The following TMEM170B variants were observed in gnomAD, a reference collection of about 807,000 sequenced individuals.
TMEM170B encodes transmembrane protein 170B.
Under a neutral mutation model 13.0 loss-of-function variants are expected in TMEM170B, and 6 were observed. The observed-to-expected ratio is 0.46, with a 90% CI of 0.25 to 0.91. TMEM170B has a LOEUF of 0.91. TMEM170B is among the 40% of genes least tolerant of loss of function. The pLI is 0.17. For missense variants in TMEM170B, 138 were observed against 165.2 expected (o/e 0.84, Z 0.90); for synonymous variants, 61 against 64.9 (o/e 0.94, Z 0.29).
chr6:11,572,413 AT>A (rs1759817001), intron 2 of TMEM170B, among the ~76,000 whole-genome samples: 1 of 152,186 alleles, frequency 6.6e-6, no homozygotes, highest in Non-Finnish European at 1.5e-5. Context: ...ATGCCCTGCT[AT>A]TTTAAATCAA....
chr6:11,558,463 C>T (rs545134371), intron 1 of TMEM170B, among the ~76,000 whole-genome samples: 4 of 152,192 alleles, frequency 2.6e-5, no homozygotes, highest in African/African-American at 7.2e-5. Flanking sequence ...ACATAAGAAA[C>T]GTTTAAATTT....
At chr6:11,553,355 A>G (rs555063407) in intron 1 of TMEM170B, among the ~76,000 whole-genome samples, 3 of 152,360 alleles carry the variant, frequency 2.0e-5, no homozygotes, top group South Asian at 2.1e-4. Flanking sequence ...TCTGAAGTAT[A>G]TAGGAGAATC....
intron 2 of TMEM170B, among the ~76,000 whole-genome samples, chr6:11,572,013 A>T (rs1457188884): frequency 6.6e-6 from 1 of 152,212 alleles, no homozygotes; most frequent in Non-Finnish European, 1.5e-5. Context: ...GGCAAAAAAA[A>T]TTAAAAAACA....
chr6:11,543,144 TG>T (rs1267409248), intron 1 of TMEM170B, among the ~76,000 whole-genome samples: 2 of 152,354 alleles, frequency 1.3e-5, no homozygotes, highest in Admixed American at 1.3e-4. Context: ...CGTTATAATT[TG>T]TATTTATCTC....
intron 2 of TMEM170B, among the ~76,000 whole-genome samples, chr6:11,570,558 T>TAG (rs1759786382): frequency 6.6e-6 from 1 of 152,060 alleles, no homozygotes; most frequent in Admixed American, 6.6e-5. Context: ...TAAGGGGAAA[T>TAG]AGAACATATG....
At chr6:11,571,637 A>G (rs1362419364) in intron 2 of TMEM170B, among the ~76,000 whole-genome samples, 1 of 152,198 alleles carries the variant, frequency 6.6e-6, no homozygotes, top group East Asian at 1.9e-4. Flanking sequence ...GCATGCCTGC[A>G]TATATTAGCC....
At chr6:11,540,495 T>C (rs2113759368) in intron 1 of TMEM170B, among the ~76,000 whole-genome samples, 1 of 152,320 alleles carries the variant, frequency 6.6e-6, no homozygotes, top group South Asian at 2.1e-4. Flanking sequence ...TATCATGAGA[T>C]TGCAACAATT....
chr6:11,571,339 G>T (rs1042236826), intron 2 of TMEM170B, among the ~76,000 whole-genome samples: 2 of 151,954 alleles, frequency 1.3e-5, no homozygotes, highest in African/African-American at 4.8e-5. Context: ...GCTATCATTT[G>T]CTTTCTGTCA....
rs1160745303 is a variant in TMEM170B at position 11,575,563 on chromosome 6, G to A, written c.*2G>A. ...TCAAGGATCCTCGCTACACTTTGAG[G>A]TTTCTGTGGGAATGTCTTACTTCAC... On this transcript the variant is annotated 3_prime_UTR_variant, in exon 3 of 3. Transcript: ENST00000379426. This position sits in a 1 kb window ranked among gnomAD's most constrained non-coding sequence, Gnocchi z 4.1. The A allele has an allele frequency of 6.2e-7, 1 of 1,612,712 alleles. No individual in the cohort carries two copies. The highest frequency in any genetic ancestry group is 8.5e-7 in the Non-Finnish European group (1 of 1,179,210).
intron 2 of TMEM170B, among the ~76,000 whole-genome samples, chr6:11,570,103 T>A (rs1481584194): frequency 6.6e-6 from 1 of 152,124 alleles, no homozygotes; most frequent in African/African-American, 2.4e-5. Context: ...AGAGGATAAT[T>A]TGGGAAGAAT....
chr6:11,560,226 G>A (rs1027683734), intron 1 of TMEM170B, among the ~76,000 whole-genome samples: 5 of 151,370 alleles, frequency 3.3e-5, no homozygotes, highest in Admixed American at 6.6e-5. Flanking sequence ...GTGCAGTGGC[G>A]TGGTCTTTGC....
At chr6:11,544,352 C>A (rs1759402451) in intron 1 of TMEM170B, among the ~76,000 whole-genome samples, 1 of 152,170 alleles carries the variant, frequency 6.6e-6, no homozygotes, top group Non-Finnish European at 1.5e-5. Flanking sequence ...ATTCCAAAAT[C>A]TGAAGTCTGA....
chr6:11,561,522 G>A (rs904020414), intron 1 of TMEM170B, among the ~76,000 whole-genome samples: 1 of 152,142 alleles, frequency 6.6e-6, no homozygotes, highest in Admixed American at 6.5e-5. Context: ...TGTATTTGCC[G>A]ATAGTGATTG....
At chr6:11,570,503 T>C (rs1195357659) in intron 2 of TMEM170B, among the ~76,000 whole-genome samples, 1 of 152,038 alleles carries the variant, frequency 6.6e-6, no homozygotes, top group Non-Finnish European at 1.5e-5. Flanking sequence ...AATAAAATAG[T>C]TTTATGAACA....
At chr6:11,541,540 G>C (rs879063234) in intron 1 of TMEM170B, among the ~76,000 whole-genome samples, 1 of 152,098 alleles carries the variant, frequency 6.6e-6, no homozygotes, top group Non-Finnish European at 1.5e-5. Flanking sequence ...TGTTGTAGCT[G>C]GTTTCATCTT....
At position 11,575,836 on chromosome 6, in the gene TMEM170B, G is replaced by T; in HGVS notation, c.*275G>T. The T allele has an allele frequency of 3.9e-6, 1 of 257,244 alleles. No homozygotes were observed. 15.9% of individuals were successfully genotyped at this position (257,244 alleles called of 1,614,324 possible). A position where few individuals can be genotyped will look rare whatever the true frequency, so the allele number is the denominator to read the frequency against. ...AGCACCTTGTTTAGCTGCCTATCAG[G>T]TTAACATTGGTGTTGAAATCATCGT... On this transcript the variant is annotated 3_prime_UTR_variant, in exon 3 of 3. Transcript: ENST00000379426. The surrounding 1 kb of genome is among the most constrained non-coding windows in gnomAD (Gnocchi z 4.1).
chr6:11,565,599 T>C, intron 1 of TMEM170B, 67 bp from the exon 2 acceptor site: 2 of 1,568,158 alleles, frequency 1.3e-6, no homozygotes, highest in Non-Finnish European at 1.8e-6. Flanking sequence ...AGGTGCTCAC[T>C]GTTTGTTAAA....
Position 11,549,556 on chromosome 6 carries a change from G to C in TMEM170B, c.97+11182G>C, listed in dbSNP as rs539377999. On this transcript the variant is annotated intron_variant, in intron 1 of 2. Transcript: ENST00000379426. ...CGGGCACCTATAGTCCCAGCTACTCGGGAGGCTGAGGCAGGAGAATGGCAT... is the reference window on the plus strand; with the variant it reads ...CGGGCACCTATAGTCCCAGCTACTCCGGAGGCTGAGGCAGGAGAATGGCAT... Among the ~76,000 whole-genome samples the C allele has an allele frequency of 3.3e-5, 5 of 151,994 alleles. No homozygotes were observed. The South Asian group carries it at 6.2e-4, about 19-fold the overall frequency.
intron 1 of TMEM170B, among the ~76,000 whole-genome samples, chr6:11,559,790 A>G (rs555828567): frequency 1.3e-5 from 2 of 152,264 alleles, no homozygotes; most frequent in African/African-American, 4.8e-5. Context: ...AATATGTAAT[A>G]TGGACCATTT....
Sources: allele counts gnomAD v4.1 joint callset (sites outside exome capture counted in the v4.1 genomes callset), GRCh38; gene constraint gnomAD v4.1.1; non-coding constraint Gnocchi (gnomAD v3.1); transcripts MANE v1.5; gene names NCBI Gene and HGNC (gene_info 2026-07-23, HGNC 2026-07-21).